The following PTPRE variants were observed in gnomAD, a reference collection of about 807,000 sequenced individuals.
The protein encoded by PTPRE is receptor-type tyrosine-protein phosphatase epsilon.
In PTPRE, 51 loss-of-function variants were observed where a neutral mutation model predicts 102.0. The observed-to-expected ratio is 0.50, with a 90% CI of 0.40 to 0.63. The LOEUF (loss-of-function observed/expected upper bound fraction) is 0.63. Among genes scored for constraint, PTPRE ranks in the 30% least tolerant of loss-of-function variants. The pLI is 0.00. For synonymous variants in PTPRE, 345 were observed against 348.2 expected, an observed-to-expected ratio of 0.99 and a Z score of 0.10; for missense variants, 752 against 915.1, an observed-to-expected ratio of 0.82 and a Z score of 2.30.
In PTPRE at chr10:128,008,101, C is replaced by G. The variant is rs1239301564; in HGVS notation, c.-8+25805C>G. On this transcript the variant is annotated intron_variant, in intron 2 of 20. Coordinates refer to ENST00000254667, the MANE Select transcript of PTPRE (RefSeq NM_006504.6). The surrounding 1 kb of genome is among the most constrained non-coding windows in gnomAD (Gnocchi z 4.0). ...CACCACTGGGGAGGCACAGGAGGCA[C>G]CACGCCACGTGTGCCTGTCTGCAGA... Among the ~76,000 whole-genome samples, 7 of 152,314 alleles carry G rather than the reference C, an allele frequency of 4.6e-5. No individual in the cohort carries two copies. The South Asian group carries it at 1.4e-3, about 32-fold the overall frequency.
chr10:127,987,404 G>C, intron 2 of PTPRE: 1 of 1,212,200 alleles, frequency 8.2e-7, no homozygotes, highest in Non-Finnish European at 1.1e-6. Context: ...AGGTAACGGG[G>C]AGCTCAGAGG....
At position 128,020,529 on chromosome 10, in the gene PTPRE, A is replaced by G. The variant is rs145032540; in HGVS notation, c.-7-20346A>G. Reference sequence around the variant, plus strand: ...TTTGGGTTTTAGTACAAGAGTAACTAGATAACCCTGGACGTATTCTCTTCT... The same window carrying G: ...TTTGGGTTTTAGTACAAGAGTAACTGGATAACCCTGGACGTATTCTCTTCT... On this transcript the variant is annotated intron_variant, in intron 2 of 20. Coordinates refer to ENST00000254667, the MANE Select transcript of PTPRE (RefSeq NM_006504.6). 8.6e-3 allele frequency among the ~76,000 whole-genome samples: 1,316 copies of G among 152,362 alleles called. 12 individuals are homozygous for G. Among genetic ancestry groups the G allele is most frequent in the Middle Eastern group, 0.031 (9 of 294 alleles).
rs1850951479 is a variant in PTPRE, at chr10:128,073,391, G to C, written c.1519G>C (p.Val507Leu). 6.2e-7 allele frequency: 1 copy of C among 1,614,230 alleles called. No individual in the cohort carries two copies. Among genetic ancestry groups the C allele is most frequent in the Non-Finnish European group, 8.5e-7 (1 of 1,180,030 alleles). The change falls in exon 17 of 21, where the codon GTT (valine) becomes CTT (leucine). Residue 507 changes from valine to leucine, a missense_variant. By Grantham distance (32) the Val-to-Leu change is conservative. Coordinates refer to ENST00000254667, the MANE Select transcript of PTPRE (RefSeq NM_006504.6). The stretch of plus-strand genomic sequence containing the variant: ...CACCCAGGGGCCACTGGCACACACG[G>C]TTGAGGACTTCTGGAGGATGATCTG... ...IATQGPLAHTVEDFWRMIWEW... is the reference protein window; with the variant it reads ...IATQGPLAHTLEDFWRMIWEW...
chr10:128,028,019 T>C lies in PTPRE; in HGVS notation c.-7-12856T>C, dbSNP rs1846409488. On this transcript the variant is annotated intron_variant, in intron 2 of 20. Transcript: ENST00000254667. The surrounding 1 kb of genome is among the most constrained non-coding windows in gnomAD (Gnocchi z 4.5). ...CACCTCCCCAAGGCAGGACAGGCCA[T>C]GGCAGAGGCTTCAGGGGAGGGTTCC... Among the ~76,000 whole-genome samples the C allele has an allele frequency of 6.6e-6, 1 of 152,202 alleles. No homozygotes were observed. Among genetic ancestry groups the C allele is most frequent in the Non-Finnish European group, 1.5e-5 (1 of 68,028 alleles).
chr10:127,944,256 G>T lies in PTPRE; in HGVS notation c.-31+36947G>T, dbSNP rs528222855. Among the ~76,000 whole-genome samples the T allele has an allele frequency of 1.3e-4, 20 of 152,354 alleles. No homozygotes were observed. Among genetic ancestry groups the T allele is most frequent in the African/African-American group, 4.6e-4 (19 of 41,584 alleles). On this transcript the variant is annotated intron_variant, in intron 1 of 20. Transcript: ENST00000254667. This position sits in a 1 kb window ranked among gnomAD's most constrained non-coding sequence, Gnocchi z 4.2. ...AATTAAGAGGAAGACCACAGCTGTT[G>T]TGTCACATGCAGCATGATAGTCAGG...
At chr10:128,080,088 G>A (rs1851566168) in intron 20 of PTPRE, among the ~76,000 whole-genome samples, 2 of 127,964 alleles carry the variant, frequency 1.6e-5, no homozygotes, top group African/African-American at 5.4e-5. Flanking sequence ...TCATTTCAAT[G>A]TTATACTCGT....
At chr10:127,993,271 A>T (rs879527181) in intron 2 of PTPRE, among the ~76,000 whole-genome samples, 2 of 152,262 alleles carry the variant, frequency 1.3e-5, no homozygotes, top group Non-Finnish European at 2.9e-5. Context: ...TGAAAAGTCA[A>T]GTTCGGAGAA....
rs1186648110 is a variant in PTPRE, at chr10:128,002,779, G to C, written c.-8+20483G>C. Among the ~76,000 whole-genome samples, 3 of 129,718 alleles carry C rather than the reference G, an allele frequency of 2.3e-5. No homozygotes were observed. The East Asian group carries it at 7.4e-4, about 32-fold the overall frequency. The allele number at this position is 129,718 out of a possible 152,430, so 85.1% of individuals were successfully genotyped here. On this transcript the variant is annotated intron_variant, in intron 2 of 20. Transcript: ENST00000254667. ...GTGCAGTGGTGCGATCACGGCTCTTGACCTCCTGGGCTTAAGCAGTCTTCC... is the reference window on the plus strand; with the variant it reads ...GTGCAGTGGTGCGATCACGGCTCTTCACCTCCTGGGCTTAAGCAGTCTTCC...
intron 17 of PTPRE, 79 bp from the exon 18 acceptor site, chr10:128,076,524 C>T: frequency 7.3e-7 from 1 of 1,374,102 alleles, no homozygotes; most frequent in Non-Finnish European, 9.7e-7. Context: ...GGTTTGAGAA[C>T]AATTCTGTGT....
chr10:127,956,399 A>G (rs766781431), intron 1 of PTPRE, among the ~76,000 whole-genome samples: 20 of 152,164 alleles, frequency 1.3e-4, no homozygotes, highest in Non-Finnish European at 2.5e-4. Flanking sequence ...GTGTGAACCA[A>G]TCTCCCTAAT....
At position 128,077,598 on chromosome 10, in the gene PTPRE, C is replaced by A. The variant is rs781196951; in HGVS notation, c.1726-19C>A. 37 of 1,589,836 alleles carry A rather than the reference C, an allele frequency of 2.3e-5. No homozygotes were observed. Among genetic ancestry groups the A allele is most frequent in the African/African-American group, 4.0e-5 (3 of 74,534 alleles). ...CCCCGGCAGGCAGGCGACGCTGAGACCCCCTCTCCTCCCTGCAGCCCCAGG... is the reference window on the plus strand; with the variant it reads ...CCCCGGCAGGCAGGCGACGCTGAGAACCCCTCTCCTCCCTGCAGCCCCAGG... On this transcript the variant is annotated intron_variant, in intron 18 of 20. Coordinates refer to ENST00000254667, the MANE Select transcript of PTPRE (RefSeq NM_006504.6).
At chr10:128,050,805 T>C (rs1479058091) in intron 6 of PTPRE, among the ~76,000 whole-genome samples, 1 of 152,178 alleles carries the variant, frequency 6.6e-6, no homozygotes, top group Non-Finnish European at 1.5e-5. Context: ...ACAATGGATT[T>C]TGTAAACAAC....
At chr10:128,080,859 G>T (rs1388597719) in intron 20 of PTPRE, among the ~76,000 whole-genome samples, 3 of 152,210 alleles carry the variant, frequency 2.0e-5, no homozygotes, top group Non-Finnish European at 4.4e-5. Context: ...ATCAGCAAAC[G>T]AATGAGGGAG....
At chr10:128,045,464 A>G (rs1262091422) in intron 3 of PTPRE, among the ~76,000 whole-genome samples, 2 of 152,148 alleles carry the variant, frequency 1.3e-5, no homozygotes, top group African/African-American at 4.8e-5. Flanking sequence ...CAGAAGTGGG[A>G]AGTTTCATTG....
At position 127,907,114 on chromosome 10, in the gene PTPRE, C is replaced by T. The variant is rs1329199738; in HGVS notation, c.-226C>T. 6 of 272,404 alleles carry T rather than the reference C, an allele frequency of 2.2e-5. 1 individual carries two copies. The highest frequency in any genetic ancestry group is 3.4e-5 in the Non-Finnish European group (6 of 178,784). 16.9% of individuals were successfully genotyped at this position (272,404 alleles called of 1,614,324 possible). ...GGACGCGGCCGGCCGGACAAATTTC[C>T]TGCTAGGCTGCGGACAGCGGGCGGC... On this transcript the variant is annotated 5_prime_UTR_variant, in exon 1 of 21. Transcript: ENST00000254667. The surrounding 1 kb of genome is among the most constrained non-coding windows in gnomAD (Gnocchi z 4.8).
intron 2 of PTPRE, among the ~76,000 whole-genome samples, chr10:128,039,247 G>C (rs375713214): frequency 1.3e-5 from 2 of 152,308 alleles, no homozygotes; most frequent in Non-Finnish European, 2.9e-5. Context: ...AGCATGCAGC[G>C]GGGGTGAGGG....
intron 6 of PTPRE, among the ~76,000 whole-genome samples, chr10:128,054,194 G>T (rs1245512720): frequency 6.6e-6 from 1 of 152,114 alleles, no homozygotes; most frequent in East Asian, 1.9e-4. Flanking sequence ...TCCTGCATTT[G>T]TGTGTTTCAA....
chr10:128,084,591 G>A lies in PTPRE; in HGVS notation c.*1685G>A, dbSNP rs1455497431. Reference sequence around the variant, plus strand: ...CAGCTGCATGCCTGGGCTGCACACTGCTGAACGTGCTCCTCTCTCCTTCTC... The same window carrying A: ...CAGCTGCATGCCTGGGCTGCACACTACTGAACGTGCTCCTCTCTCCTTCTC... On this transcript the variant is annotated 3_prime_UTR_variant, in exon 21 of 21. Transcript: ENST00000254667. 1.3e-5 allele frequency: 2 copies of A among 152,486 alleles called. No individual in the cohort carries two copies. The highest frequency in any genetic ancestry group is 2.9e-5 in the Non-Finnish European group (2 of 68,234). 9.4% of individuals were successfully genotyped at this position (152,486 alleles called of 1,614,324 possible). A position where few individuals can be genotyped will look rare whatever the true frequency, so the allele number is the denominator to read the frequency against.
chr10:128,047,608 C>T (rs1445211100), intron 4 of PTPRE, 119 bp downstream of exon 4: 36 of 1,613,666 alleles, frequency 2.2e-5, no homozygotes, highest in Non-Finnish European at 3.1e-5. Flanking sequence ...GTGGCTGGGC[C>T]TGGGAGACAC....
Sources: gnomAD v4.1 joint callset for allele counts (sites outside exome capture counted in the v4.1 genomes callset) on GRCh38, gnomAD v4.1.1 for gene constraint, Gnocchi (gnomAD v3.1) non-coding constraint, MANE v1.5 for transcripts, NCBI Gene and HGNC (gene_info 2026-07-23, HGNC 2026-07-21) for gene names.